Variants in SYBU observed in about 807,000 individuals in gnomAD.
SYBU encodes the protein syntabulin.
Under a neutral mutation model 35.9 loss-of-function variants are expected in SYBU, and 21 were observed. The ratio of observed to expected loss-of-function variants is 0.58; its 90% CI spans 0.41 to 0.84. The LOEUF (loss-of-function observed/expected upper bound fraction) is 0.84. Among genes scored for constraint, SYBU ranks in the 40% least tolerant of loss-of-function variants. The probability of loss-of-function intolerance (pLI) is 0.00; values close to 1 mark genes in which losing one functional copy is unlikely to be tolerated. For missense variants in SYBU, 768 were observed against 848.2 expected, an observed-to-expected ratio of 0.91 and a Z score of 1.17; for synonymous variants, 319 against 324.3, an observed-to-expected ratio of 0.98 and a Z score of 0.18.
In SYBU at chr8:109,576,009, T is replaced by G; in HGVS notation, c.889A>C (p.Ser297Arg). 1.3e-6 allele frequency: 2 copies of G among 1,581,626 alleles called. No individual in the cohort carries two copies. Among genetic ancestry groups the G allele is most frequent in the South Asian group, 2.2e-5 (2 of 90,386 alleles). ...ESERRLHERESEIVELKSQLA... is the reference protein window; with the variant it reads ...ESERRLHEREREIVELKSQLA... ...TGGGACTTAAGCTCCACGATTTCAC[T>G]TTCCCTAGAGTGCCAAGACAAGCAT... The change falls in exon 7 of 7, where the codon AGT (serine) becomes CGT (arginine). Residue 297 changes from serine to arginine, a missense_variant. Ser to Arg is a moderately radical substitution (Grantham distance 110, BLOSUM62 -1). Transcript: ENST00000276646.
intron 1 of SYBU, among the ~76,000 whole-genome samples, chr8:109,653,637 A>G (rs1816240615): frequency 6.6e-6 from 1 of 152,126 alleles, no homozygotes; most frequent in South Asian, 2.1e-4. Context: ...CTTCTAGTGC[A>G]TGTTCTCTCC....
chr8:109,596,856 A>C lies in SYBU; in HGVS notation c.428-10694T>G, dbSNP rs536145950. On this transcript the variant is annotated intron_variant, in intron 3 of 6. Transcript: ENST00000276646. ...GTCTAAGAAGAAAAATCAAGAGGAA[A>C]TCTACTCTTAATAATGTATTCCATA... Among the ~76,000 whole-genome samples the C allele has an allele frequency of 2.6e-5, 4 of 152,348 alleles. No homozygotes were observed. In the East Asian group the frequency reaches 7.7e-4, roughly 29 times the overall value.
At chr8:109,666,414 C>G (rs1437610689) in intron 1 of SYBU, among the ~76,000 whole-genome samples, 1 of 152,102 alleles carries the variant, frequency 6.6e-6, no homozygotes, top group African/African-American at 2.4e-5. Flanking sequence ...TAAAAAACGT[C>G]TCCCAGACAT....
chr8:109,581,429 G>A (rs908704811), intron 4 of SYBU, among the ~76,000 whole-genome samples: 5 of 152,116 alleles, frequency 3.3e-5, no homozygotes, highest in Admixed American at 6.5e-5. Flanking sequence ...CATTCCACAA[G>A]CTATTAAGGG....
upstream of SYBU, among the ~76,000 whole-genome samples, chr8:109,683,594 G>A (rs1229391347): frequency 1.3e-5 from 2 of 152,138 alleles, no homozygotes; most frequent in Non-Finnish European, 2.9e-5. Context: ...GGACTTTTGG[G>A]TTAATGCTGG....
chr8:109,603,682 T>C (rs1825783273), intron 3 of SYBU, among the ~76,000 whole-genome samples: 1 of 152,216 alleles, frequency 6.6e-6, no homozygotes, highest in Admixed American at 6.5e-5. Flanking sequence ...CAAAGAGTGT[T>C]TGCATGGCAG....
chr8:109,645,626 G>GTGTT (rs1554624972), upstream of SYBU: 2 of 244,788 alleles, frequency 8.2e-6, no homozygotes, highest in African/African-American at 5.6e-5. Flanking sequence ...TTGTTGTTTC[G>GTGTT]TTTTTTGTTT....
intron 3 of SYBU, among the ~76,000 whole-genome samples, chr8:109,605,853 A>G (rs200241601): frequency 6.6e-6 from 1 of 152,158 alleles, no homozygotes; most frequent in East Asian, 1.9e-4. Context: ...TTCAAACTAC[A>G]TCATGGAAAT....
Position 109,592,099 on chromosome 8 carries a change from AG to A in SYBU, c.428-5938del, listed in dbSNP as rs527614849. 2.9e-3 allele frequency among the ~76,000 whole-genome samples: 435 copies of A among 152,350 alleles called. 1 individual carries two copies. Among genetic ancestry groups the A allele is most frequent in the African/African-American group, 0.01 (423 of 41,584 alleles). ...GCCTGGCATACAGCAAGCCCTTAAT[AG>A]TACCAGTTTAGCTGAAACTACTGGT... is the stretch of plus-strand genomic sequence containing the variant. On this transcript the variant is annotated intron_variant, in intron 3 of 6. Coordinates refer to ENST00000276646, the MANE Select transcript of SYBU (RefSeq NM_001099754.2).
At chr8:109,652,583 G>C (rs57877857) in intron 1 of SYBU, among the ~76,000 whole-genome samples, 1 of 152,104 alleles carries the variant, frequency 6.6e-6, no homozygotes, top group Non-Finnish European at 1.5e-5. Context: ...TTGTTAATTA[G>C]CAATAGTTGA....
chr8:109,619,980 G>C (rs910493682), intron 2 of SYBU, among the ~76,000 whole-genome samples: 1 of 152,140 alleles, frequency 6.6e-6, no homozygotes, highest in African/African-American at 2.4e-5. Context: ...ATTATTACCA[G>C]GGTGATTATA....
chr8:109,653,448 A>G lies in SYBU; in HGVS notation c.-129+27263T>C, dbSNP rs2130723350. ...GCCTCCAAGGTCTTCTCTGTCTCCC[A>G]TGGTGGATTCAATGCCAAGACTCCT... is the stretch of plus-strand genomic sequence containing the variant. On this transcript the variant is annotated intron_variant, in intron 1 of 5. Transcript: ENST00000408889. Among the ~76,000 whole-genome samples the G allele has an allele frequency of 3.3e-5, 5 of 152,110 alleles. 1 individual carries two copies. In the South Asian group the frequency reaches 1.0e-3, roughly 32 times the overall value.
chr8:109,600,053 A>G (rs1825344118), intron 3 of SYBU, among the ~76,000 whole-genome samples: 1 of 152,018 alleles, frequency 6.6e-6, no homozygotes, highest in South Asian at 2.1e-4. Context: ...CCTTTATCTG[A>G]CCCCACCAAG....
chr8:109,655,009 C>T (rs1196247090), intron 1 of SYBU, among the ~76,000 whole-genome samples: 1 of 152,210 alleles, frequency 6.6e-6, no homozygotes, highest in Non-Finnish European at 1.5e-5. Flanking sequence ...AAGTGCAGAT[C>T]TGATCATTCC....
intron 1 of SYBU, among the ~76,000 whole-genome samples, chr8:109,676,754 G>A (rs571908094): frequency 6.6e-6 from 1 of 152,334 alleles, no homozygotes; most frequent in Admixed American, 6.5e-5. Context: ...GAGATTCAGA[G>A]TCTGATGTCC....
Position 109,672,627 on chromosome 8 carries a change from G to A in SYBU, c.-129+8084C>T, listed in dbSNP as rs1421683526. Among the ~76,000 whole-genome samples the A allele has an allele frequency of 2.6e-5, 4 of 152,320 alleles. No individual in the cohort carries two copies. The East Asian group carries it at 7.7e-4, about 29-fold the overall frequency. On this transcript the variant is annotated intron_variant, in intron 1 of 5. Coordinates refer to the SYBU transcript ENST00000408889. Reference sequence around the variant, plus strand: ...GGCTGTTTGGGGAGACAGCGAGCTAGCTGAAGGAGTCATTTTTTCAAACCC... The same window carrying A: ...GGCTGTTTGGGGAGACAGCGAGCTAACTGAAGGAGTCATTTTTTCAAACCC...
upstream of SYBU, chr8:109,648,780 C>G (rs1036081342): frequency 6.6e-6 from 1 of 151,862 alleles, no homozygotes; most frequent in Non-Finnish European, 1.5e-5. Context: ...GCTGCTGTCT[C>G]TCTCGGTGAC....
intron 5 of SYBU, among the ~76,000 whole-genome samples, chr8:109,579,342 G>A (rs1187200948): frequency 1.3e-5 from 2 of 152,092 alleles, no homozygotes; most frequent in Non-Finnish European, 2.9e-5. Context: ...ACCCCTGATC[G>A]CTCCAGACTG....
At chr8:109,637,742 G>A (rs1446108143) in intron 2 of SYBU, among the ~76,000 whole-genome samples, 1 of 152,140 alleles carries the variant, frequency 6.6e-6, no homozygotes, top group African/African-American at 2.4e-5. Flanking sequence ...AAAAGCACAG[G>A]AGAAATATTT....
Sources: gnomAD v4.1 joint callset for allele counts (sites outside exome capture counted in the v4.1 genomes callset) on GRCh38, gnomAD v4.1.1 for gene constraint, MANE v1.5 for transcripts, NCBI Gene and HGNC (gene_info 2026-07-23, HGNC 2026-07-21) for gene names.